GABRQ: variants seen among roughly 807,000 people sequenced by gnomAD.
GABRQ encodes the protein gamma-aminobutyric acid type A receptor subunit theta.
In GABRQ, 19 loss-of-function variants were observed where a neutral mutation model predicts 30.5. The ratio of observed to expected loss-of-function variants is 0.62; its 90% CI spans 0.43 to 0.91. The LOEUF (loss-of-function observed/expected upper bound fraction) is 0.91. Ranked by LOEUF, GABRQ falls within the 40% of genes least tolerant of loss-of-function variation. The pLI is 0.00. For synonymous variants in GABRQ, 187 were observed against 210.2 expected, an observed-to-expected ratio of 0.89 and a Z score of 0.95; for missense variants, 520 against 521.4, an observed-to-expected ratio of 1.00 and a Z score of 0.03.
intron 1 of GABRQ, among the ~76,000 whole-genome samples, chrX:152,639,327 C>CTTAA (rs1251858755): frequency 9.1e-6 from 1 of 110,206 alleles, no homozygotes; most frequent in African/African-American, 3.3e-5. Flanking sequence ...CTGCAGTGCC[C>CTTAA]TTAACCCAAC....
chrX:152,644,353 CAT>C (rs1556818884), intron 2 of GABRQ, among the ~76,000 whole-genome samples: 3 of 112,602 alleles, frequency 2.7e-5, no homozygotes, highest in African/African-American at 9.7e-5. Flanking sequence ...CACTCACACA[CAT>C]GAACGTGTTC....
At position 152,651,802 on chromosome X, in the gene GABRQ, A is replaced by C; in HGVS notation, c.1158+20A>C. On this transcript the variant is annotated intron_variant, in intron 8 of 8. Coordinates refer to ENST00000598523, the MANE Select transcript of GABRQ (RefSeq NM_018558.4). ...GTGCAGGTTTGACTTTTTGACTGAC[A>C]ATCAGCTTTCCCTGAGCACCTCTTG... The C allele has an allele frequency of 8.3e-7, 1 of 1,203,199 alleles. No individual in the cohort carries two copies. Among genetic ancestry groups the C allele is most frequent in the African/African-American group, 1.7e-5 (1 of 57,669 alleles).
chrX:152,643,718 CATT>C (rs782096026), intron 2 of GABRQ, among the ~76,000 whole-genome samples: 132 of 112,016 alleles, frequency 1.2e-3, no homozygotes, highest in African/African-American at 3.5e-3. Context: ...CACACTCACA[CATT>C]AACACACACA....
At chrX:152,640,733 C>CA (rs1930737596) in intron 2 of GABRQ, among the ~76,000 whole-genome samples, 1 of 112,020 alleles carries the variant, frequency 8.9e-6, no homozygotes, top group Non-Finnish European at 1.9e-5. Context: ...GTGTGGCTGG[C>CA]AAAGAGCTAA....
rs782350782 is a variant in GABRQ, at chrX:152,645,603, G to A, written c.306+9G>A. ...TCTCAGAAATGAATATGGTAAGTGT[G>A]TTATTTCCAGCCATGGGGTTGGGAA... On this transcript the variant is annotated intron_variant, in intron 3 of 8. Coordinates refer to ENST00000598523, the MANE Select transcript of GABRQ (RefSeq NM_018558.4). 1 of 1,022,012 alleles carries A rather than the reference G, an allele frequency of 9.8e-7. No individual in the cohort carries two copies. Among genetic ancestry groups the A allele is most frequent in the Admixed American group, 2.2e-5 (1 of 45,641 alleles). The allele number at this position is 1,022,012 out of a possible 1,213,427, so 84.2% of individuals were successfully genotyped here. A position where few individuals can be genotyped will look rare whatever the true frequency, so the allele number is the denominator to read the frequency against.
chrX:152,653,689 C>T lies in GABRQ; in HGVS notation c.*408C>T, dbSNP rs1468275352. 1.6e-5 allele frequency: 2 copies of T among 127,878 alleles called. No individual in the cohort carries two copies. The highest frequency in any genetic ancestry group is 3.1e-5 in the Non-Finnish European group (2 of 64,048). 10.5% of individuals were successfully genotyped at this position (127,878 alleles called of 1,213,427 possible). A position where few individuals can be genotyped will look rare whatever the true frequency, so the allele number is the denominator to read the frequency against. On this transcript the variant is annotated 3_prime_UTR_variant, in exon 9 of 9. Transcript: ENST00000598523. Reference sequence around the variant, plus strand: ...TTTTCTGTCCCCCTTGAGGTGTCAACATTTCTTTTTCATTACATGTTTTCT... The same window carrying T: ...TTTTCTGTCCCCCTTGAGGTGTCAATATTTCTTTTTCATTACATGTTTTCT...
At position 152,647,165 on chromosome X, in the gene GABRQ, T is replaced by C; in HGVS notation, c.524T>C (p.Ile175Thr). 8.5e-7 allele frequency: 1 copy of C among 1,177,960 alleles called. No homozygotes were observed. The highest frequency in any genetic ancestry group is 1.2e-6 in the Non-Finnish European group (1 of 864,708). Residue 175 changes from isoleucine (I) to threonine (T), a missense_variant, in exon 4 of 9, where the codon ATC (isoleucine) becomes ACC (threonine). By Grantham distance (89) the Ile-to-Thr change is moderately conservative (BLOSUM62 -1). Coordinates refer to ENST00000598523, the MANE Select transcript of GABRQ (RefSeq NM_018558.4). ...LHPDGTVRYG[I>T]RLTTTAACSL... is the part of the protein sequence containing the mutation. Reference sequence around the variant, plus strand: ...CCAGATGGAACGGTGCGGTACGGCATCCGGTGAGTCCCCTAGGGGTCTGGG... The same window carrying C: ...CCAGATGGAACGGTGCGGTACGGCACCCGGTGAGTCCCCTAGGGGTCTGGG...
intron 2 of GABRQ, among the ~76,000 whole-genome samples, chrX:152,641,784 AC>A (rs1270661473): frequency 1.0e-3 from 115 of 112,820 alleles, no homozygotes; most frequent in African/African-American, 3.6e-3. Flanking sequence ...TACAGGCAGC[AC>A]GTCCTTGTAT....
intron 3 of GABRQ, 35 bp downstream of exon 3, chrX:152,645,629 C>G: frequency 1.2e-6 from 1 of 813,060 alleles, no homozygotes; most frequent in South Asian, 2.1e-5. Flanking sequence ...GGGTTGGGAA[C>G]AGAGGACATG....
At chrX:152,648,984 C>T (rs1451781204) in intron 4 of GABRQ, among the ~76,000 whole-genome samples, 2 of 112,608 alleles carry the variant, frequency 1.8e-5, no homozygotes, top group Non-Finnish European at 3.8e-5. Context: ...CTGTAGGAAG[C>T]ACCCCTTTCC....
chrX:152,650,628 GA>G lies in GABRQ; in HGVS notation c.901+55del, dbSNP rs782343777. 1.3e-5 allele frequency: 13 copies of G among 1,033,738 alleles called. No homozygotes were observed. The South Asian group carries it at 1.5e-4, about 12-fold the overall frequency. The allele number at this position is 1,033,738 out of a possible 1,213,427, so 85.2% of individuals were successfully genotyped here. On this transcript the variant is annotated intron_variant, in intron 7 of 8. Transcript: ENST00000598523. ...GAAAGAATTTGGGTCATTTGGCTCA[GA>G]AAAAAAGTTGAGAGTAAGGAAAAAG... is the stretch of plus-strand genomic sequence containing the variant.
rs782073807 is a variant in GABRQ, at chrX:152,647,155, C to T, written c.514C>T (p.Arg172Trp). The T allele has an allele frequency of 8.4e-6, 10 of 1,196,525 alleles. No individual in the cohort carries two copies. Among genetic ancestry groups the T allele is most frequent in the Admixed American group, 6.6e-5 (3 of 45,797 alleles). Residue 172 changes from arginine (R) to tryptophan (W), a missense_variant, in exon 4 of 9, where the codon CGG (arginine) becomes TGG (tryptophan). Coordinates refer to ENST00000598523, the MANE Select transcript of GABRQ (RefSeq NM_018558.4). ...VFQLHPDGTV[R>W]YGIRLTTTAA... ...TCAGCTTCACCCAGATGGAACGGTGCGGTACGGCATCCGGTGAGTCCCCTA... is the reference window on the plus strand; with the variant it reads ...TCAGCTTCACCCAGATGGAACGGTGTGGTACGGCATCCGGTGAGTCCCCTA...
chrX:152,644,879 C>G (rs1450389352), intron 2 of GABRQ, among the ~76,000 whole-genome samples: 2 of 111,904 alleles, frequency 1.8e-5, no homozygotes, highest in South Asian at 7.5e-4. Flanking sequence ...CGGTCATACC[C>G]TCACTTGAAC....
chrX:152,647,206 T>C (rs1456384307), intron 4 of GABRQ, 38 bp downstream of exon 4: 48 of 955,881 alleles, frequency 5.0e-5, no homozygotes, highest in Non-Finnish European at 7.0e-5. Context: ...CCCAGCAGAC[T>C]TCCTTCTTCC....
intron 5 of GABRQ, 66 bp from the exon 6 acceptor site, chrX:152,649,676 A>G: frequency 1.1e-6 from 1 of 915,405 alleles, no homozygotes; most frequent in Non-Finnish European, 1.6e-6. Context: ...AGCTTGTAGC[A>G]TGTCTTTTTT....
rs1354892869 is a variant in GABRQ at position 152,654,889 on chromosome X, GCAGGGTGGGTGTATGTACATATACAAC to G, written c.*1611_*1637del. ...ATATACCTGGGTGTATGCATATGCA[GCAGGGTGGGTGTATGTACATATACAAC>G]CATTTGAGAAGCTGCATAGTGCCGT... On this transcript the variant is annotated 3_prime_UTR_variant, in exon 9 of 9. Transcript: ENST00000598523. The G allele has an allele frequency of 8.9e-6, 1 of 112,615 alleles. No individual in the cohort carries two copies. Among genetic ancestry groups the G allele is most frequent in the African/African-American group, 3.2e-5 (1 of 30,931 alleles). The allele number at this position is 112,615 out of a possible 1,213,427, so 9.3% of individuals were successfully genotyped here. A position where few individuals can be genotyped will look rare whatever the true frequency, so the allele number is the denominator to read the frequency against.
At chrX:152,648,613 G>A (rs782592070) in intron 4 of GABRQ, among the ~76,000 whole-genome samples, 3 of 110,689 alleles carry the variant, frequency 2.7e-5, no homozygotes, top group Admixed American at 9.5e-5. Context: ...CGCCTGCCTC[G>A]GCCTCCCAAA....
At position 152,652,641 on chromosome X, in the gene GABRQ, C is replaced by T; in HGVS notation, c.1259C>T (p.Thr420Ile). ...GAAAGCCTCGGTTCTTTGACGTCCA[C>T]CTCCGAGCAGGCCCAGCTGGCCACC... ...SPESLGSLTS[T>I]SEQAQLATSE... Residue 420 changes from threonine to isoleucine, a missense_variant, in exon 9 of 9, where the codon ACC becomes ATC. Transcript: ENST00000598523. The T allele has an allele frequency of 8.3e-7, 1 of 1,212,003 alleles. No homozygotes were observed. Among genetic ancestry groups the T allele is most frequent in the African/African-American group, 1.7e-5 (1 of 57,955 alleles).
In GABRQ at chrX:152,650,426, A is replaced by G; in HGVS notation, c.749-2A>G. ...CCTAATTCCAGTGTGTCTCCTTGCCAGGTTCCTACATACGCCTGATACTGA... is the reference window on the plus strand; with the variant it reads ...CCTAATTCCAGTGTGTCTCCTTGCCGGGTTCCTACATACGCCTGATACTGA... On this transcript the variant is annotated splice_acceptor_variant, in intron 6 of 8. Coordinates refer to ENST00000598523, the MANE Select transcript of GABRQ (RefSeq NM_018558.4). LOFTEE classifies it high-confidence loss of function. The G allele has an allele frequency of 8.3e-7, 1 of 1,204,294 alleles. No individual in the cohort carries two copies. Among genetic ancestry groups the G allele is most frequent in the Non-Finnish European group, 1.1e-6 (1 of 891,764 alleles).
Sources: allele counts gnomAD v4.1 joint callset (sites outside exome capture counted in the v4.1 genomes callset), GRCh38; gene constraint gnomAD v4.1.1; transcripts MANE v1.5; gene names NCBI Gene and HGNC (gene_info 2026-07-23, HGNC 2026-07-21).